Variants in FOXK2 observed in about 807,000 individuals in gnomAD.
The protein encoded by FOXK2 is forkhead box protein K2.
A neutral mutation model predicts 53.3 loss-of-function variants in FOXK2; 24 were observed. That is an observed-to-expected ratio of 0.45 (90% CI 0.33 to 0.63). FOXK2 has a LOEUF of 0.63. FOXK2 is among the 30% of genes least tolerant of loss of function. The pLI, the probability that FOXK2 is intolerant of heterozygous loss-of-function variation, is 0.03. For missense variants in FOXK2, 952 were observed against 910.5 expected (o/e 1.05, Z -0.59); for synonymous variants, 505 against 407.1 (o/e 1.24, Z -2.89).
chr17:82,527,120 A>G (rs1038121358), intron 1 of FOXK2, among the ~76,000 whole-genome samples: 6 of 152,170 alleles, frequency 3.9e-5, no homozygotes, highest in African/African-American at 1.2e-4. Context: ...ATGTGTTGGC[A>G]TAAATAAAGG....
intron 1 of FOXK2, among the ~76,000 whole-genome samples, chr17:82,546,112 TG>T (rs201253489): frequency 8.0e-6 from 1 of 125,192 alleles, no homozygotes; most frequent in Non-Finnish European, 1.6e-5. Flanking sequence ...CAAGCATGGT[TG>T]GTTTTTTTTT....
chr17:82,550,968 G>A (rs1430508528), intron 1 of FOXK2, among the ~76,000 whole-genome samples: 1 of 152,230 alleles, frequency 6.6e-6, no homozygotes, highest in Admixed American at 6.5e-5. Context: ...CCAGTACTGA[G>A]CCGGGTCGTT....
rs768209876 is a variant in FOXK2 at position 82,601,283 on chromosome 17, ACTCC to A, written c.1787-16_1787-13del. ...GTTCACGTGAGAGCGTGGGGTTCTG[ACTCC>A]CTCGTGTCATTTCAGCCGCGGCGAG... On this transcript the variant is annotated splice_polypyrimidine_tract_variant and intron_variant, in intron 8 of 8. Coordinates refer to ENST00000335255, the MANE Select transcript of FOXK2 (RefSeq NM_004514.4). 1.9e-5 allele frequency: 30 copies of A among 1,603,574 alleles called. No homozygotes were observed. Among genetic ancestry groups the A allele is most frequent in the Non-Finnish European group, 2.5e-5 (29 of 1,174,830 alleles).
chr17:82,535,742 G>GTTTTT (rs1339091058), intron 1 of FOXK2, among the ~76,000 whole-genome samples: 3 of 123,134 alleles, frequency 2.4e-5, no homozygotes, highest in Non-Finnish European at 5.3e-5. Flanking sequence ...TTAGTTGTGT[G>GTTTTT]TTTTTGTTTT....
intron 3 of FOXK2, among the ~76,000 whole-genome samples, chr17:82,568,403 C>T (rs1329762244): frequency 1.3e-5 from 2 of 152,238 alleles, no homozygotes; most frequent in Admixed American, 1.3e-4. Flanking sequence ...AGTCATTCAA[C>T]GCACATCTTA....
chr17:82,543,404 C>A (rs1185136030), intron 1 of FOXK2, among the ~76,000 whole-genome samples: 1 of 152,124 alleles, frequency 6.6e-6, no homozygotes, highest in Non-Finnish European at 1.5e-5. Context: ...ATGAAGGCTT[C>A]TTTTAAGGGG....
chr17:82,596,138 A>G (rs2143169939), intron 8 of FOXK2: 3 of 991,488 alleles, frequency 3.0e-6, no homozygotes, highest in African/African-American at 1.7e-5. Flanking sequence ...CCGCGATTGC[A>G]GGGAGGAGCA....
At chr17:82,520,715 T>C (rs569603846) in intron 1 of FOXK2, among the ~76,000 whole-genome samples, 27 of 152,342 alleles carry the variant, frequency 1.8e-4, no homozygotes, top group African/African-American at 6.3e-4. Flanking sequence ...CTATGTCTCT[T>C]AACCGATGAA....
At chr17:82,535,283 A>G (rs2044509703) in intron 1 of FOXK2, among the ~76,000 whole-genome samples, 1 of 152,178 alleles carries the variant, frequency 6.6e-6, no homozygotes. Context: ...TTTGGCTTTC[A>G]ACACTGATTA....
chr17:82,588,286 T>C (rs551061604), intron 8 of FOXK2: 1 of 153,134 alleles, frequency 6.5e-6, no homozygotes, highest in South Asian at 2.0e-4. Context: ...CCAAGCCCTG[T>C]GTCTCCTCCT....
chr17:82,570,101 A>G (rs977068595), intron 3 of FOXK2, among the ~76,000 whole-genome samples: 26 of 152,136 alleles, frequency 1.7e-4, no homozygotes, highest in Middle Eastern at 6.8e-3. Flanking sequence ...AGGCGCCTGT[A>G]GTCCCAGCTA....
At chr17:82,590,863 G>C (rs1598236784) in intron 8 of FOXK2, among the ~76,000 whole-genome samples, 1 of 152,184 alleles carries the variant, frequency 6.6e-6, no homozygotes, top group South Asian at 2.1e-4. Context: ...GACTGCACAG[G>C]CTGCCTGAGA....
rs577032195 is a variant in FOXK2, at chr17:82,587,129, C to T, written c.1643C>T (p.Thr548Met). ...TLGTASRIIQ[T>M]AQTTPVQTVT... ...GGCACTGCCAGCCGGATCATTCAGA[C>T]GGCACAGACCACCCCGGTCCAGACG... Residue 548 changes from threonine to methionine, a missense_variant, in exon 8 of 9, where the codon ACG (threonine) becomes ATG (methionine). Transcript: ENST00000335255. 1.7e-5 allele frequency: 27 copies of T among 1,613,024 alleles called. No homozygotes were observed. Among genetic ancestry groups the T allele is most frequent in the South Asian group, 1.5e-4 (14 of 91,068 alleles).
chr17:82,571,493 C>T (rs575675148), intron 3 of FOXK2, among the ~76,000 whole-genome samples: 132 of 152,040 alleles, frequency 8.7e-4, no homozygotes, highest in African/African-American at 3.1e-3. Context: ...CCCAGCTACT[C>T]GGGAGGCTGA....
intron 4 of FOXK2, chr17:82,578,504 A>T (rs2045017685): frequency 6.6e-6 from 1 of 152,234 alleles, no homozygotes; most frequent in South Asian, 2.1e-4. Context: ...TAGCAACAGA[A>T]TGAAGGAACA....
rs923211420 is a variant in FOXK2, at chr17:82,601,763, G to A, written c.*264G>A. ...AGCTTCTACCTACGAGTGAAACTCT[G>A]TCCTCCCGCGAGGACCAGGCATCGC... On this transcript the variant is annotated 3_prime_UTR_variant, in exon 9 of 9. Transcript: ENST00000335255. 1.3e-5 allele frequency: 5 copies of A among 376,072 alleles called. No individual in the cohort carries two copies. Among genetic ancestry groups the A allele is most frequent in the Non-Finnish European group, 2.4e-5 (5 of 204,122 alleles). 23.3% of individuals were successfully genotyped at this position (376,072 alleles called of 1,614,324 possible).
chr17:82,569,452 T>C (rs2044889165), intron 3 of FOXK2, among the ~76,000 whole-genome samples: 1 of 152,150 alleles, frequency 6.6e-6, no homozygotes, highest in Non-Finnish European at 1.5e-5. Flanking sequence ...TCAGTAGTAA[T>C]GGTGGCCTCT....
At chr17:82,588,702 C>T (rs1240263908) in intron 8 of FOXK2, among the ~76,000 whole-genome samples, 5 of 151,996 alleles carry the variant, frequency 3.3e-5, no homozygotes, top group African/African-American at 7.2e-5. Flanking sequence ...CTGCCAAGAG[C>T]CTCCGGTGCA....
At chr17:82,554,121 C>T (rs892540338) in intron 1 of FOXK2, among the ~76,000 whole-genome samples, 14 of 152,148 alleles carry the variant, frequency 9.2e-5, no homozygotes, top group African/African-American at 3.4e-4. Flanking sequence ...CGTGAGCCAC[C>T]GGACGTGGCC....
Sources: gnomAD v4.1 joint callset for allele counts (sites outside exome capture counted in the v4.1 genomes callset) on GRCh38, gnomAD v4.1.1 for gene constraint, MANE v1.5 for transcripts, NCBI Gene and HGNC (gene_info 2026-07-23, HGNC 2026-07-21) for gene names.